Variants in HMCN1 observed in about 807,000 individuals in gnomAD.
HMCN1 encodes hemicentin 1.
In HMCN1, 321 loss-of-function variants were observed where a neutral mutation model predicts 625.9. That is an observed-to-expected ratio of 0.51 (90% CI 0.47 to 0.56). The LOEUF is 0.56. Among genes scored for constraint, HMCN1 ranks in the 20% least tolerant of loss-of-function variants. The probability of loss-of-function intolerance (pLI) is 0.00; values close to 1 mark genes in which losing one functional copy is unlikely to be tolerated. For synonymous variants in HMCN1, 2,425 were observed against 2,417.6 expected (o/e 1.00, Z -0.09); for missense variants, 6,588 against 6,887.3 (o/e 0.96, Z 1.54).
chr1:185,984,086 G>GA, intron 18 of HMCN1, 83 bp from the exon 19 acceptor site: 3 of 1,107,676 alleles, frequency 2.7e-6, no homozygotes, highest in Non-Finnish European at 4.0e-6. Flanking sequence ...ACCCAGTTGG[G>GA]AAAAAAAGAA....
In HMCN1 at chr1:186,023,021, C is replaced by G; in HGVS notation, c.5626-9C>G. ...ACAAAAATCCTCTGTGCTTTCTGCT[C>G]CCAATTAGATACAGTCTTCTGGTCG... On this transcript the variant is annotated splice_polypyrimidine_tract_variant and intron_variant, in intron 35 of 106. Transcript: ENST00000271588. 1 of 1,612,990 alleles carries G rather than the reference C, an allele frequency of 6.2e-7. No individual in the cohort carries two copies.
chr1:186,164,765 C>T (rs926648225), intron 97 of HMCN1, among the ~76,000 whole-genome samples: 1 of 152,182 alleles, frequency 6.6e-6, no homozygotes, highest in Middle Eastern at 3.2e-3. Context: ...AGAGTAAAAC[C>T]GGATAGCAAT....
At chr1:185,839,110 A>G (rs547095165) in intron 1 of HMCN1, among the ~76,000 whole-genome samples, 41 of 152,330 alleles carry the variant, frequency 2.7e-4, no homozygotes, top group African/African-American at 9.6e-4. Context: ...GGAAATTTCA[A>G]CAATGTTTAA....
chr1:186,172,200 T>C (rs544686178), intron 102 of HMCN1, 69 bp downstream of exon 102: 145 of 1,583,766 alleles, frequency 9.2e-5, no homozygotes, highest in Non-Finnish European at 1.2e-4. Context: ...GCATTCATTT[T>C]AAAAGAAGTG....
Position 185,989,454 on chromosome 1 carries a change from CA to C in HMCN1, c.3049-28del, listed in dbSNP as rs143748038. The C allele has an allele frequency of 2.5e-6, 4 of 1,612,166 alleles. No homozygotes were observed. The East Asian group carries it at 8.9e-5, about 36-fold the overall frequency. On this transcript the variant is annotated intron_variant, in intron 20 of 106. Transcript: ENST00000271588. Reference sequence around the variant, plus strand: ...TATAATCTTGAAACAAACAAACAAACAAAAAACCCTTTGCTTTTCGCCGTGT... The same window carrying C: ...TATAATCTTGAAACAAACAAACAAACAAAAACCCTTTGCTTTTCGCCGTGT...
rs189659939 is a variant in HMCN1, at chr1:185,804,167, A to C, written c.269-41859A>C. 3.3e-5 allele frequency among the ~76,000 whole-genome samples: 5 copies of C among 152,146 alleles called. No individual in the cohort carries two copies. The East Asian group carries it at 9.6e-4, about 29-fold the overall frequency. ...CTAAAGAGGGCATTTTATATGCTCT[A>C]TGTTTTCAAAGTATAATTTTAGTTT... On this transcript the variant is annotated intron_variant, in intron 1 of 106. Coordinates refer to ENST00000271588, the MANE Select transcript of HMCN1 (RefSeq NM_031935.3).
intron 80 of HMCN1, among the ~76,000 whole-genome samples, chr1:186,121,601 G>A (rs1008115890): frequency 4.6e-5 from 7 of 152,178 alleles, no homozygotes; most frequent in African/African-American, 1.7e-4. Flanking sequence ...ACTGGGTTGG[G>A]AAGAAGGAAA....
In HMCN1 at chr1:185,764,964, G is replaced by A. The variant is rs373139131; in HGVS notation, c.268+29917G>A. ...GGCAATGCCTGAAGAGCATCCCTAT[G>A]CAGCCTTACTTTCTTCTAACTCACC... is the stretch of plus-strand genomic sequence containing the variant. On this transcript the variant is annotated intron_variant, in intron 1 of 106. Coordinates refer to ENST00000271588, the MANE Select transcript of HMCN1 (RefSeq NM_031935.3). Among the ~76,000 whole-genome samples the A allele has an allele frequency of 5.3e-5, 8 of 152,226 alleles. No individual in the cohort carries two copies. The East Asian group carries it at 7.7e-4, about 15-fold the overall frequency.
At chr1:185,847,069 C>T (rs186790349) in intron 2 of HMCN1, among the ~76,000 whole-genome samples, 216 of 152,208 alleles carry the variant, frequency 1.4e-3, no homozygotes, top group African/African-American at 4.5e-3. Context: ...AGTCCACTGA[C>T]CCCTACACTG....
chr1:186,111,154 G>A (rs1660868122), intron 71 of HMCN1, among the ~76,000 whole-genome samples: 1 of 150,406 alleles, frequency 6.6e-6, no homozygotes, highest in Non-Finnish European at 1.5e-5. Context: ...CTACTTTTTT[G>A]TATTTTTTAA....
At chr1:186,161,257 G>A (rs1190029873) in intron 97 of HMCN1, among the ~76,000 whole-genome samples, 2 of 150,850 alleles carry the variant, frequency 1.3e-5, no homozygotes, top group Non-Finnish European at 3.0e-5. Context: ...GCCTTTTTTT[G>A]TTTTCCATTT....
Position 186,012,577 on chromosome 1 carries a change from G to A in HMCN1, c.4631-2582G>A, listed in dbSNP as rs184940961. Among the ~76,000 whole-genome samples the A allele has an allele frequency of 3.7e-4, 57 of 152,038 alleles. No homozygotes were observed. In the East Asian group the frequency reaches 7.9e-3, roughly 21 times the overall value. The stretch of plus-strand genomic sequence containing the variant: ...CTCAACTCTTCAAGCAATTATTCTC[G>A]CTGAAAGGCTAAGAATCCTTAACAC... On this transcript the variant is annotated intron_variant, in intron 30 of 106. Coordinates refer to ENST00000271588, the MANE Select transcript of HMCN1 (RefSeq NM_031935.3).
At chr1:185,766,182 C>A (rs1454665131) in intron 1 of HMCN1, among the ~76,000 whole-genome samples, 1 of 152,136 alleles carries the variant, frequency 6.6e-6, no homozygotes, top group East Asian at 1.9e-4. Context: ...GTCAGACCAA[C>A]CCTGCCACTG....
At chr1:186,184,592 T>G (rs1653161600) in intron 105 of HMCN1, among the ~76,000 whole-genome samples, 2 of 152,240 alleles carry the variant, frequency 1.3e-5, no homozygotes, top group African/African-American at 2.4e-5. Flanking sequence ...CTATGAGCAC[T>G]GCATTTAAAA....
intron 36 of HMCN1, among the ~76,000 whole-genome samples, chr1:186,035,640 A>G (rs1262274836): frequency 2.0e-5 from 3 of 151,972 alleles, no homozygotes; most frequent in African/African-American, 7.2e-5. Flanking sequence ...ATTTTTCTAA[A>G]CATATTCTTA....
intron 100 of HMCN1, among the ~76,000 whole-genome samples, chr1:186,167,996 G>A (rs16824995): frequency 0.017 from 2,496 of 151,218 alleles, 64 homozygotes; most frequent in African/African-American, 0.057. Context: ...AATAAATGAC[G>A]CATGGTACAT....
chr1:185,949,547 T>C (rs1668533604), intron 11 of HMCN1, among the ~76,000 whole-genome samples: 1 of 151,908 alleles, frequency 6.6e-6, no homozygotes, highest in South Asian at 2.1e-4. Context: ...CGGAGGACCG[T>C]AAGGGATATA....
chr1:185,865,822 T>G lies in HMCN1; in HGVS notation c.580T>G (p.Ser194Ala). 3 of 1,613,580 alleles carry G rather than the reference T, an allele frequency of 1.9e-6. No individual in the cohort carries two copies. Among genetic ancestry groups the G allele is most frequent in the Non-Finnish European group, 2.5e-6 (3 of 1,179,790 alleles). Residue 194 changes from serine (S) to alanine (A), a missense_variant, in exon 4 of 107, where the codon TCT becomes GCT. Ser to Ala is a moderately conservative substitution (Grantham distance 99). Around this residue, in one of 3 missense-constraint regions of HMCN1, gnomAD observed 4,628 missense variants for 4,853.1 expected, o/e 0.95. Transcript: ENST00000271588. ...KVYEEIASTS[S>A]GQVFHLDKKQ... is the part of the protein sequence containing the mutation. ...CTATGAAGAAATTGCCTCTACAAGTTCTGGTCAAGTGTTCCATCTGGACAA... is the reference window on the plus strand; with the variant it reads ...CTATGAAGAAATTGCCTCTACAAGTGCTGGTCAAGTGTTCCATCTGGACAA...
At chr1:185,735,816 T>A (rs1653522964) in intron 1 of HMCN1, among the ~76,000 whole-genome samples, 1 of 152,224 alleles carries the variant, frequency 6.6e-6, no homozygotes, top group African/African-American at 2.4e-5. Context: ...AGCACCTCTC[T>A]GTGAGGCTTA....
Sources: gnomAD v4.1 joint callset for allele counts (sites outside exome capture counted in the v4.1 genomes callset) on GRCh38, gnomAD v4.1.1 for gene constraint, gnomAD v4.1.1 regional missense constraint, MANE v1.5 for transcripts, NCBI Gene and HGNC (gene_info 2026-07-23, HGNC 2026-07-21) for gene names.